The following USP33 variants were observed in gnomAD, a reference collection of about 807,000 sequenced individuals.
USP33 encodes ubiquitin carboxyl-terminal hydrolase 33.
USP33 carries 46 observed loss-of-function variants against 124.2 expected under a neutral mutation model. The ratio of observed to expected loss-of-function variants is 0.37; its 90% confidence interval spans 0.29 to 0.47. The LOEUF (loss-of-function observed/expected upper bound fraction) is 0.47, where lower values mean the gene tolerates loss of function less well. Ranked by LOEUF, USP33 falls within the 20% of genes least tolerant of loss-of-function variation. The pLI, the probability that USP33 is intolerant of heterozygous loss-of-function variation, is 0.99. For synonymous variants in USP33, 350 were observed against 352.3 expected, an observed-to-expected ratio of 0.99 and a Z score of 0.07; for missense variants, 851 against 1,070.6, an observed-to-expected ratio of 0.79 and a Z score of 2.86.
intron 21 of USP33, among the ~76,000 whole-genome samples, chr1:77,705,984 C>T (rs905223657): frequency 4.6e-5 from 7 of 152,150 alleles, no homozygotes; most frequent in African/African-American, 9.7e-5. Context: ...TGGATCAGTA[C>T]GCCATGATCT....
chr1:77,757,250 T>C (rs999567518), intron 1 of USP33, among the ~76,000 whole-genome samples: 4 of 152,238 alleles, frequency 2.6e-5, no homozygotes, highest in Non-Finnish European at 5.9e-5. Context: ...TGTAAAAAAT[T>C]GCCTCACTTG....
At chr1:77,733,698 C>T (rs972891945) in intron 7 of USP33, among the ~76,000 whole-genome samples, 1 of 152,110 alleles carries the variant, frequency 6.6e-6, no homozygotes, top group South Asian at 2.1e-4. Flanking sequence ...ATAAGGAAAG[C>T]TCAACCAGTA....
At position 77,708,799 on chromosome 1, in the gene USP33, C is replaced by G. The variant is rs534253500; in HGVS notation, c.2406+2948G>C. Among the ~76,000 whole-genome samples, 325 of 152,036 alleles carry G rather than the reference C, an allele frequency of 2.1e-3. 1 individual carries two copies. Among genetic ancestry groups the G allele is most frequent in the African/African-American group, 7.7e-3 (319 of 41,454 alleles). On this transcript the variant is annotated intron_variant, in intron 21 of 23. Coordinates refer to ENST00000370794, the MANE Select transcript of USP33 (RefSeq NM_201624.3). ...TCCACCTGTGTACCAAAAAGTGGTG[C>G]CATGTTCTTCTAATTGTATACTATT...
intron 16 of USP33, 60 bp from the exon 17 acceptor site, chr1:77,718,107 C>T (rs1377776238): frequency 7.1e-6 from 10 of 1,404,730 alleles, no homozygotes; most frequent in Non-Finnish European, 9.7e-6. Flanking sequence ...AGCATTATAA[C>T]AGGTAAAACT....
At chr1:77,735,040 G>A (rs2101511585) in intron 6 of USP33, among the ~76,000 whole-genome samples, 1 of 151,970 alleles carries the variant, frequency 6.6e-6, no homozygotes, top group East Asian at 1.9e-4. Flanking sequence ...GGAGAATGGT[G>A]TGAACCCAGG....
intron 7 of USP33, among the ~76,000 whole-genome samples, chr1:77,732,787 T>C (rs560455104): frequency 1.3e-5 from 2 of 148,430 alleles, no homozygotes; most frequent in South Asian, 4.2e-4. Context: ...TAAATGTCTC[T>C]TCTTTTTTTT....
At chr1:77,750,739 T>C (rs1456143271) in intron 1 of USP33, among the ~76,000 whole-genome samples, 2 of 152,258 alleles carry the variant, frequency 1.3e-5, no homozygotes, top group Admixed American at 1.3e-4. Flanking sequence ...GTCCCAAGGA[T>C]ATTTAGTATC....
chr1:77,721,984 G>C (rs1676614206), intron 13 of USP33, 40 bp downstream of exon 13: 3 of 1,604,336 alleles, frequency 1.9e-6, no homozygotes, highest in African/African-American at 2.7e-5. Flanking sequence ...AGAAACAGCA[G>C]GTTTAACAAT....
rs546533680 is a variant in USP33, at chr1:77,757,687, G to T, written c.-52+1956C>A. Among the ~76,000 whole-genome samples, 6 of 152,326 alleles carry T rather than the reference G, an allele frequency of 3.9e-5. No homozygotes were observed. The South Asian group carries it at 1.0e-3, about 26-fold the overall frequency. ...TGAAGAGTCCACAGTCTTGTCATAT[G>T]TTATAGTTCACAGTGCTCCAATCTT... On this transcript the variant is annotated intron_variant, in intron 1 of 23. Coordinates refer to ENST00000370794, the MANE Select transcript of USP33 (RefSeq NM_201624.3).
intron 17 of USP33, among the ~76,000 whole-genome samples, chr1:77,716,499 G>A (rs898203392): frequency 6.6e-6 from 1 of 152,194 alleles, no homozygotes; most frequent in African/African-American, 2.4e-5. Flanking sequence ...GCAGACAGCA[G>A]CCTCGACGAG....
In USP33 at chr1:77,713,213, T is replaced by C; in HGVS notation, c.2284A>G (p.Asn762Asp). The change falls in exon 20 of 24, where the codon AAC becomes GAC. Residue 762 changes from asparagine to aspartate, a missense_variant. By Grantham distance (23) the Asn-to-Asp change is conservative. Around this residue, in one of 4 missense-constraint regions of USP33, gnomAD observed 281 missense variants for 425.0 expected, o/e 0.66. Coordinates refer to ENST00000370794, the MANE Select transcript of USP33 (RefSeq NM_201624.3). ...VLMLPQNIWD[N>D]LYSRYGGGPA... Reference sequence around the variant, plus strand: ...TAAAAAACAAACCTGCTATATAGGTTATCCCAAATGTTCTGAGGCAGCATC... The same window carrying C: ...TAAAAAACAAACCTGCTATATAGGTCATCCCAAATGTTCTGAGGCAGCATC... The C allele has an allele frequency of 6.3e-7, 1 of 1,592,872 alleles. No individual in the cohort carries two copies. The highest frequency in any genetic ancestry group is 8.5e-7 in the Non-Finnish European group (1 of 1,173,950).
rs541260950 is a variant in USP33, at chr1:77,696,185, T to C, written c.*1132A>G. 18 of 152,420 alleles carry C rather than the reference T, an allele frequency of 1.2e-4. No homozygotes were observed. The East Asian group carries it at 3.1e-3, about 26-fold the overall frequency. The allele number at this position is 152,420 out of a possible 1,614,324, so 9.4% of individuals were successfully genotyped here. On this transcript the variant is annotated 3_prime_UTR_variant, in exon 24 of 24. Coordinates refer to ENST00000370794, the MANE Select transcript of USP33 (RefSeq NM_201624.3). ...GCAAATAGCAGTGCATACTATATTA[T>C]TCAAAAAGACTTTATCTATTTCATT...
chr1:77,725,193 C>CTACA lies in USP33; in HGVS notation c.1276+425_1276+428dup, dbSNP rs1337773678. Among the ~76,000 whole-genome samples the CTACA allele has an allele frequency of 3.3e-5, 5 of 152,180 alleles. No individual in the cohort carries two copies. The East Asian group carries it at 5.8e-4, about 18-fold the overall frequency. On this transcript the variant is annotated intron_variant, in intron 11 of 23. Coordinates refer to ENST00000370794, the MANE Select transcript of USP33 (RefSeq NM_201624.3). ...GAAAAGATTTAAAAAAATCAAAAGACTACATACTATATGATTTCATTTATA... is the reference window on the plus strand; with the variant it reads ...GAAAAGATTTAAAAAAATCAAAAGACTACATACATACTATATGATTTCATTTATA...
intron 9 of USP33, 96 bp downstream of exon 9, chr1:77,729,764 T>A: frequency 9.2e-7 from 1 of 1,085,830 alleles, no homozygotes; most frequent in Non-Finnish European, 1.4e-6. Flanking sequence ...ACACAAGGAG[T>A]GATGACCCCA....
chr1:77,715,418 G>A (rs1675765990), intron 18 of USP33, among the ~76,000 whole-genome samples: 1 of 152,152 alleles, frequency 6.6e-6, no homozygotes, highest in African/African-American at 2.4e-5. Flanking sequence ...TCTTGGCCAG[G>A]CTGGTCTTGA....
intron 5 of USP33, among the ~76,000 whole-genome samples, chr1:77,737,406 C>T (rs1412366606): frequency 6.6e-6 from 1 of 152,142 alleles, no homozygotes; most frequent in Non-Finnish European, 1.5e-5. Context: ...TATCTAAATA[C>T]ACAGAAGTAC....
At chr1:77,742,964 C>CA (rs1231914089) in intron 1 of USP33, among the ~76,000 whole-genome samples, 2 of 148,692 alleles carry the variant, frequency 1.3e-5, no homozygotes, top group African/African-American at 5.1e-5. Flanking sequence ...ATTTTTGAGA[C>CA]AGAGTTTCAC....
intron 17 of USP33, among the ~76,000 whole-genome samples, chr1:77,716,251 G>A (rs895615175): frequency 6.6e-6 from 1 of 151,838 alleles, no homozygotes; most frequent in African/African-American, 2.4e-5. Flanking sequence ...TTACAGATGG[G>A]GTCTTGCTAT....
intron 1 of USP33, among the ~76,000 whole-genome samples, chr1:77,758,175 C>T (rs972258679): frequency 3.0e-4 from 28 of 94,290 alleles, no homozygotes; most frequent in Admixed American, 5.3e-4. Context: ...TTGTACTGTC[C>T]TTTTTTTTTT....
Sources: gnomAD v4.1 joint callset for allele counts (sites outside exome capture counted in the v4.1 genomes callset) on GRCh38, gnomAD v4.1.1 for gene constraint, gnomAD v4.1.1 regional missense constraint, MANE v1.5 for transcripts, NCBI Gene and HGNC (gene_info 2026-07-23, HGNC 2026-07-21) for gene names.